VIT: variants seen among roughly 807,000 people sequenced by gnomAD.
The protein encoded by VIT is vitrin.
A neutral mutation model predicts 78.0 loss-of-function variants in VIT; 99 were observed. That is an observed-to-expected ratio of 1.27 (90% CI 1.08 to 1.50). The LOEUF (loss-of-function observed/expected upper bound fraction) is 1.50. Among genes scored for constraint, VIT ranks in the 40% most tolerant of loss-of-function variants. The probability of loss-of-function intolerance (pLI) is 0.00; values close to 1 mark genes in which losing one functional copy is unlikely to be tolerated. For missense variants in VIT, 1,126 were observed against 875.3 expected, an observed-to-expected ratio of 1.29 and a Z score of -3.61; for synonymous variants, 374 against 334.3, an observed-to-expected ratio of 1.12 and a Z score of -1.29.
chr2:36,740,101 T>G (rs923850308), intron 3 of VIT, among the ~76,000 whole-genome samples: 2 of 152,224 alleles, frequency 1.3e-5, no homozygotes, highest in Admixed American at 1.3e-4. Context: ...TAGCTTATCT[T>G]CTTAAGGAAA....
intron 9 of VIT, among the ~76,000 whole-genome samples, chr2:36,777,237 C>T (rs1670131052): frequency 6.6e-6 from 1 of 151,356 alleles, no homozygotes; most frequent in Admixed American, 6.6e-5. Context: ...CTCGTACAAA[C>T]TAAAGGTCTT....
At chr2:36,783,193 G>A in intron 10 of VIT, 147 bp from the exon 11 acceptor site, 1 of 619,904 alleles carries the variant, frequency 1.6e-6, no homozygotes, top group Non-Finnish European at 2.9e-6. Flanking sequence ...ATTTTTCTCA[G>A]GATGGGGGTG....
chr2:36,749,112 T>C (rs999904546), intron 4 of VIT, among the ~76,000 whole-genome samples: 1 of 152,190 alleles, frequency 6.6e-6, no homozygotes, highest in Non-Finnish European at 1.5e-5. Context: ...AGGAAGAGAA[T>C]TGTACTCTTT....
chr2:36,776,626 C>A (rs1044309823), intron 9 of VIT, among the ~76,000 whole-genome samples: 2 of 151,806 alleles, frequency 1.3e-5, no homozygotes, highest in East Asian at 1.9e-4. Context: ...CATAGTGAGA[C>A]CCCGTCTCTA....
chr2:36,732,615 T>A (rs1667277298), intron 3 of VIT, among the ~76,000 whole-genome samples: 1 of 152,174 alleles, frequency 6.6e-6, no homozygotes, highest in South Asian at 2.1e-4. Context: ...TTCACTCATT[T>A]GATAAGTATT....
Position 36,729,413 on chromosome 2 carries a change from T to C in VIT, c.53-13T>C. 6.3e-7 allele frequency: 1 copy of C among 1,587,174 alleles called. No homozygotes were observed. Among genetic ancestry groups the C allele is most frequent in the Non-Finnish European group, 8.5e-7 (1 of 1,171,292 alleles). The stretch of plus-strand genomic sequence containing the variant: ...TAAAATTGATTAAATTTTTAAAAAT[T>C]TTCTTCATGTAGTTTTGCTGGTGAC... On this transcript the variant is annotated splice_polypyrimidine_tract_variant and intron_variant, in intron 2 of 15. Coordinates refer to ENST00000379242, the MANE Select transcript of VIT (RefSeq NM_053276.4).
At chr2:36,727,737 T>C (rs1390132398) in intron 2 of VIT, among the ~76,000 whole-genome samples, 1 of 152,210 alleles carries the variant, frequency 6.6e-6, no homozygotes, top group Non-Finnish European at 1.5e-5. Context: ...AGATGAAAAA[T>C]TCCTATTGCC....
At chr2:36,813,197 C>G (rs1366235437) in intron 15 of VIT, among the ~76,000 whole-genome samples, 1 of 150,780 alleles carries the variant, frequency 6.6e-6, no homozygotes, top group Non-Finnish European at 1.5e-5. Context: ...TGCCTGTAAT[C>G]CCAGCACTTT....
chr2:36,730,700 G>T (rs1290293807), intron 3 of VIT, among the ~76,000 whole-genome samples: 2 of 152,206 alleles, frequency 1.3e-5, no homozygotes, highest in African/African-American at 4.8e-5. Context: ...CCATGCCCAA[G>T]AAGAATGAGG....
intron 9 of VIT, among the ~76,000 whole-genome samples, chr2:36,776,283 C>T (rs1670039606): frequency 1.3e-5 from 2 of 152,190 alleles, no homozygotes; most frequent in South Asian, 4.1e-4. Context: ...TCTCTGACTA[C>T]ATGTTGTTGT....
chr2:36,784,535 T>C (rs1397076044), intron 11 of VIT, among the ~76,000 whole-genome samples: 1 of 152,188 alleles, frequency 6.6e-6, no homozygotes, highest in Non-Finnish European at 1.5e-5. Flanking sequence ...GAAGCTGCAT[T>C]AGCAACCCTG....
At chr2:36,803,153 C>T (rs62132487) in intron 13 of VIT, among the ~76,000 whole-genome samples, 7,828 of 152,232 alleles carry the variant, frequency 0.051, 285 homozygotes, top group African/African-American at 0.11. Context: ...CACACCCTGC[C>T]GCCCCAAACC....
At chr2:36,740,472 A>G (rs1305952456) in intron 3 of VIT, among the ~76,000 whole-genome samples, 2 of 152,246 alleles carry the variant, frequency 1.3e-5, no homozygotes, top group Non-Finnish European at 2.9e-5. Context: ...ATCACTCTGC[A>G]AAATTTAACT....
intron 11 of VIT, among the ~76,000 whole-genome samples, chr2:36,784,361 C>A (rs1664955445): frequency 6.6e-6 from 1 of 152,194 alleles, no homozygotes; most frequent in Admixed American, 6.5e-5. Context: ...TCTCCCTAGA[C>A]CTTGCTACCC....
In VIT at chr2:36,776,885, C is replaced by T. The variant is rs142183156; in HGVS notation, c.802+1818C>T. ...AGGGCAGATCACGAGGTCAGGAGAT[C>T]GAGACCATCCCGGCTAACACGGTGA... On this transcript the variant is annotated intron_variant, in intron 9 of 15. Transcript: ENST00000379242. Among the ~76,000 whole-genome samples the T allele has an allele frequency of 1.2e-3, 186 of 151,386 alleles. 1 individual carries two copies. The South Asian group carries it at 0.016, about 13-fold the overall frequency.
In VIT at chr2:36,730,799, G is replaced by C. The variant is rs1158884261; in HGVS notation, c.118+1308G>C. 4.6e-5 allele frequency among the ~76,000 whole-genome samples: 7 copies of C among 152,316 alleles called. No homozygotes were observed. In the South Asian group the frequency reaches 1.0e-3, roughly 23 times the overall value. ...TCAGCAGAGAGGGGACATGAGGGGTGGTTCCCCTACCCAAAGGCGTGAAAG... is the reference window on the plus strand; with the variant it reads ...TCAGCAGAGAGGGGACATGAGGGGTCGTTCCCCTACCCAAAGGCGTGAAAG... On this transcript the variant is annotated intron_variant, in intron 3 of 15. Transcript: ENST00000379242.
intron 3 of VIT, among the ~76,000 whole-genome samples, chr2:36,736,040 G>A (rs544859926): frequency 6.6e-6 from 1 of 152,098 alleles, no homozygotes; most frequent in South Asian, 2.1e-4. Context: ...AGTAATGAGA[G>A]TTTTATCACT....
intron 2 of VIT, among the ~76,000 whole-genome samples, chr2:36,725,791 G>T (rs998458836): frequency 6.6e-6 from 1 of 152,050 alleles, no homozygotes; most frequent in Non-Finnish European, 1.5e-5. Context: ...AAACACACCC[G>T]CCGGGCACAG....
intron 5 of VIT, 118 bp downstream of exon 5, chr2:36,755,172 T>C: frequency 8.7e-7 from 1 of 1,151,344 alleles, no homozygotes; most frequent in Non-Finnish European, 1.2e-6. Flanking sequence ...TCTGAAGCAT[T>C]CGTTTTTCTG....
Sources: allele counts gnomAD v4.1 joint callset (sites outside exome capture counted in the v4.1 genomes callset), GRCh38; gene constraint gnomAD v4.1.1; transcripts MANE v1.5; gene names NCBI Gene and HGNC (gene_info 2026-07-23, HGNC 2026-07-21).